FMN1: variants seen among roughly 807,000 people sequenced by gnomAD.
The protein encoded by FMN1 is formin 1, also known as formin-1.
Under a neutral mutation model 132.4 loss-of-function variants are expected in FMN1, and 110 were observed. That is an observed-to-expected ratio of 0.83 (90% CI 0.71 to 0.97). FMN1 has a LOEUF of 0.97. Among genes scored for constraint, FMN1 ranks in the 50% least tolerant of loss-of-function variants. The pLI is 0.00. For synonymous variants in FMN1, 722 were observed against 651.7 expected (o/e 1.11, Z -1.64); for missense variants, 1,792 against 1,705.3 (o/e 1.05, Z -0.90).
At chr15:32,973,194 T>C (rs1017583054) in intron 7 of FMN1, among the ~76,000 whole-genome samples, 3 of 152,196 alleles carry the variant, frequency 2.0e-5, no homozygotes, top group Non-Finnish European at 4.4e-5. Flanking sequence ...CAGACTAACA[T>C]GAACTTTTTA....
chr15:33,013,665 C>G (rs769504799), intron 6 of FMN1, among the ~76,000 whole-genome samples: 1 of 152,102 alleles, frequency 6.6e-6, no homozygotes, highest in Non-Finnish European at 1.5e-5. Flanking sequence ...ATAGGCAAAA[C>G]AGAACATCTG....
Position 33,171,809 on chromosome 15 carries a change from T to C in FMN1, c.-132+8389A>G, listed in dbSNP as rs546892934. On this transcript the variant is annotated intron_variant, in intron 3 of 20. Coordinates refer to ENST00000616417, the MANE Select transcript of FMN1 (RefSeq NM_001277313.2). ...AAATATGTAAAATGCTATTCACAAA[T>C]GCAATTAGAAATGTGATCACTTATA... Among the ~76,000 whole-genome samples the C allele has an allele frequency of 7.9e-5, 12 of 152,314 alleles. No individual in the cohort carries two copies. The East Asian group carries it at 1.9e-3, about 24-fold the overall frequency.
rs1293683476 is a variant in FMN1, at chr15:33,154,159, G to A, written c.756C>T (p.Ser252=). The part of the protein sequence containing the change: ...KTPDTDLGFG[S]FETAFKDTGL... ...CAGTGTCCTTGAAAGCCGTCTCAAA[G>A]CTCCCAAAGCCAAGGTCTGTGTCTG... The change falls in exon 4 of 21, where the codon AGC becomes AGT. Residue 252 remains serine (S), a synonymous_variant. Transcript: ENST00000616417. 4 of 1,536,418 alleles carry A rather than the reference G, an allele frequency of 2.6e-6. No homozygotes were observed. In the Admixed American group the frequency reaches 5.9e-5, roughly 23 times the overall value.
chr15:32,972,525 C>A (rs1195286335), intron 7 of FMN1, among the ~76,000 whole-genome samples: 2 of 152,148 alleles, frequency 1.3e-5, no homozygotes, highest in African/African-American at 2.4e-5. Flanking sequence ...GACCTCTCTG[C>A]CACATTTGTT....
intron 6 of FMN1, among the ~76,000 whole-genome samples, chr15:33,051,521 G>A (rs1257509190): frequency 6.6e-6 from 1 of 151,962 alleles, no homozygotes; most frequent in Non-Finnish European, 1.5e-5. Flanking sequence ...GTCACACCTG[G>A]TGCCAGAGAA....
chr15:32,866,501 C>T (rs111774565), intron 16 of FMN1, among the ~76,000 whole-genome samples: 142 of 152,300 alleles, frequency 9.3e-4, no homozygotes, highest in African/African-American at 1.3e-3. Flanking sequence ...ATACTGTACG[C>T]GGCTTTATTC....
chr15:32,880,311 TTTG>T (rs1220488157), intron 16 of FMN1, among the ~76,000 whole-genome samples: 3 of 152,202 alleles, frequency 2.0e-5, no homozygotes, highest in African/African-American at 7.2e-5. Context: ...TCTGATTTAG[TTTG>T]TTTTCTATGA....
chr15:33,084,885 T>G (rs990349508), intron 5 of FMN1, among the ~76,000 whole-genome samples: 4 of 152,184 alleles, frequency 2.6e-5, no homozygotes, highest in Admixed American at 1.3e-4. Flanking sequence ...TGTTTTACCT[T>G]TCATCACGTA....
At chr15:32,940,327 A>G (rs1350562555) in intron 9 of FMN1, among the ~76,000 whole-genome samples, 1 of 152,148 alleles carries the variant, frequency 6.6e-6, no homozygotes, top group African/African-American at 2.4e-5. Context: ...TGAAAGGCAG[A>G]CAGTCCAATT....
intron 9 of FMN1, among the ~76,000 whole-genome samples, chr15:32,944,846 C>A (rs115752426): frequency 0.02 from 2,971 of 152,072 alleles, 93 homozygotes; most frequent in African/African-American, 0.068. Context: ...AGAAGACAAA[C>A]CCCCAAACAA....
chr15:33,158,302 A>G (rs1964757760), intron 3 of FMN1, among the ~76,000 whole-genome samples: 1 of 152,206 alleles, frequency 6.6e-6, no homozygotes, highest in Non-Finnish European at 1.5e-5. Context: ...TTGGTTATGT[A>G]AATGGAGAAA....
chr15:32,959,021 C>T (rs1423386389), intron 9 of FMN1, among the ~76,000 whole-genome samples: 3 of 136,262 alleles, frequency 2.2e-5, no homozygotes, highest in Non-Finnish European at 4.6e-5. Context: ...CCAGCCTGGG[C>T]GACAACAGTG....
chr15:32,960,960 A>C (rs1385681031), intron 9 of FMN1, among the ~76,000 whole-genome samples: 63 of 126,324 alleles, frequency 5.0e-4, no homozygotes, highest in African/African-American at 1.8e-3. Context: ...ACACCATTGC[A>C]CTCCCACCTA....
At chr15:32,849,464 C>T (rs1039816719) in intron 17 of FMN1, among the ~76,000 whole-genome samples, 9 of 150,588 alleles carry the variant, frequency 6.0e-5, no homozygotes, top group Non-Finnish European at 1.3e-4. Flanking sequence ...TACATACAGA[C>T]TTTTTTTTTA....
intron 15 of FMN1, among the ~76,000 whole-genome samples, chr15:32,892,295 C>T (rs2339162): frequency 0.19 from 28,464 of 152,092 alleles, 2,804 homozygotes; most frequent in East Asian, 0.22. Context: ...AATTCTTTTT[C>T]TGCATCTATT....
chr15:32,970,127 T>C (rs1271959535), intron 7 of FMN1, among the ~76,000 whole-genome samples: 1 of 152,238 alleles, frequency 6.6e-6, no homozygotes, highest in African/African-American at 2.4e-5. Flanking sequence ...TTCTTCTATT[T>C]ACACAGCACT....
rs181700507 is a variant in FMN1, at chr15:32,964,165, G to A, written c.3080C>T (p.Thr1027Ile). ...EFEYLFSKDT[T>I]QQKKKPLSET... ...TGACAGAGGTTTTTTCTTCTGTTGA[G>A]TTGTGTCTTTGGAGAATAAATACTC... The change falls in exon 9 of 21, where the codon ACT (threonine) becomes ATT (isoleucine). Residue 1027 changes from threonine to isoleucine, a missense_variant. Transcript: ENST00000616417. The A allele has an allele frequency of 1.9e-6, 3 of 1,613,052 alleles. No individual in the cohort carries two copies. In the East Asian group the frequency reaches 6.7e-5, roughly 36 times the overall value.
intron 7 of FMN1, among the ~76,000 whole-genome samples, chr15:33,003,978 A>T (rs1199028266): frequency 1.3e-5 from 2 of 151,938 alleles, no homozygotes; most frequent in Non-Finnish European, 2.9e-5. Flanking sequence ...TGCTGGGAAA[A>T]CTGGCTAGCC....
intron 17 of FMN1, among the ~76,000 whole-genome samples, chr15:32,841,913 A>C (rs182578201): frequency 5.1e-4 from 77 of 152,344 alleles, no homozygotes; most frequent in Admixed American, 1.1e-3. Flanking sequence ...CAAGTAAAAA[A>C]GCCCACTAGT....
Sources: gnomAD v4.1 joint callset for allele counts (sites outside exome capture counted in the v4.1 genomes callset) on GRCh38, gnomAD v4.1.1 for gene constraint, MANE v1.5 for transcripts, NCBI Gene and HGNC (gene_info 2026-07-23, HGNC 2026-07-21) for gene names.